The following ANG variants were observed in gnomAD, a reference collection of about 807,000 sequenced individuals.
The protein encoded by ANG is angiogenin.
For synonymous variants in ANG, 74 were observed against 73.8 expected (o/e 1.00, Z -0.02); for missense variants, 178 against 187.4 (o/e 0.95, Z 0.29).
intron 1 of ANG, among the ~76,000 whole-genome samples, chr14:20,692,957 C>A (rs1025694599): frequency 2.0e-5 from 3 of 152,062 alleles, no homozygotes; most frequent in Admixed American, 2.0e-4. Context: ...ACGCCATTCT[C>A]CTGCCTCAGC....
upstream of ANG, chr14:20,684,456 G>A (rs988687638): frequency 2.6e-5 from 4 of 152,300 alleles, no homozygotes; most frequent in African/African-American, 9.7e-5. Flanking sequence ...GGGTGCTGCT[G>A]CGGCGCCAGC....
rs542339286 is a variant in ANG at position 20,693,693 on chromosome 14, G to C, written c.129G>C (p.Gln43His). 5.6e-6 allele frequency: 9 copies of C among 1,614,210 alleles called. No individual in the cohort carries two copies. The African/African-American group carries it at 8.0e-5, about 14-fold the overall frequency. Residue 43 changes from glutamine to histidine, a missense_variant, in exon 2 of 2, where the codon CAG becomes CAC. Coordinates refer to ENST00000397990, the MANE Select transcript of ANG (RefSeq NM_001097577.3). ...FLTQHYDAKP[Q>H]GRDDRYCESI... ...CCCAGCACTATGATGCCAAACCACA[G>C]GGCCGGGATGACAGATACTGTGAAA...
upstream of ANG, among the ~76,000 whole-genome samples, chr14:20,687,743 T>C (rs940299050): frequency 2.0e-5 from 3 of 152,216 alleles, no homozygotes; most frequent in African/African-American, 7.2e-5. Context: ...AAATGAAAGA[T>C]TGCACTGAAT....
upstream of ANG, chr14:20,684,532 AG>A (rs1886328192): frequency 6.6e-6 from 1 of 152,302 alleles, no homozygotes; most frequent in Admixed American, 6.5e-5. Context: ...AACTACGCAG[AG>A]GCTGGCACGC....
At chr14:20,685,869 G>A (rs1179374762), upstream of ANG, among the ~76,000 whole-genome samples, 1 of 151,790 alleles carries the variant, frequency 6.6e-6, no homozygotes, top group African/African-American at 2.4e-5. Context: ...GTGAAACCTC[G>A]TCTCTACTAA....
intron 1 of ANG, among the ~76,000 whole-genome samples, chr14:20,692,999 C>G: frequency 6.6e-6 from 1 of 152,032 alleles, no homozygotes; most frequent in East Asian, 1.9e-4. Flanking sequence ...AGGCGCCCGC[C>G]ACTACGCCCG....
At chr14:20,692,647 T>C (rs532250342) in intron 1 of ANG, among the ~76,000 whole-genome samples, 1 of 152,310 alleles carries the variant, frequency 6.6e-6, no homozygotes, top group South Asian at 2.1e-4. Flanking sequence ...AATTTCATCC[T>C]GAAACCATCC....
upstream of ANG, among the ~76,000 whole-genome samples, chr14:20,688,077 A>G (rs1886507663): frequency 6.6e-6 from 1 of 152,216 alleles, no homozygotes; most frequent in Admixed American, 6.5e-5. Flanking sequence ...GAGATAAGCA[A>G]TTTTGCAACT....
At chr14:20,685,746 A>G (rs2138996896), upstream of ANG, among the ~76,000 whole-genome samples, 1 of 152,328 alleles carries the variant, frequency 6.6e-6, no homozygotes, top group East Asian at 1.9e-4. Flanking sequence ...AGTATGGAAT[A>G]TAAAAGTTGT....
At chr14:20,689,935 G>A (rs1218914703) in intron 1 of ANG, among the ~76,000 whole-genome samples, 2 of 148,356 alleles carry the variant, frequency 1.3e-5, no homozygotes, top group Non-Finnish European at 3.0e-5. Flanking sequence ...AAAAAAACAG[G>A]CCGGGCGCGG....
chr14:20,685,122 C>G (rs1328703901), upstream of ANG, among the ~76,000 whole-genome samples: 2 of 152,178 alleles, frequency 1.3e-5, no homozygotes, highest in African/African-American at 4.8e-5. Context: ...CTTTTTGAAG[C>G]AGGCCTTAGT....
At position 20,693,943 on chromosome 14, in the gene ANG, G is replaced by A. The variant is rs553513710; in HGVS notation, c.379G>A (p.Val127Ile). 32 of 1,614,112 alleles carry A rather than the reference G, an allele frequency of 2.0e-5. No homozygotes were observed. The East Asian group carries it at 4.0e-4, about 20-fold the overall frequency. ...CCGAGCCACAGCGGGGTTCAGAAAC[G>A]TTGTTGTTGCTTGTGAAAATGGCTT... ...QYRATAGFRN[V>I]VVACENGLPV... Residue 127 changes from valine to isoleucine, a missense_variant, in exon 2 of 2, where the codon GTT (valine) becomes ATT (isoleucine). Val to Ile is a conservative substitution (Grantham distance 29). Transcript: ENST00000397990.
intron 1 of ANG, among the ~76,000 whole-genome samples, chr14:20,689,911 G>C (rs1172350673): frequency 1.7e-5 from 2 of 115,968 alleles, no homozygotes; most frequent in Non-Finnish European, 1.7e-5. Context: ...ACAAGACTCT[G>C]TCTCAAAAAA....
At chr14:20,693,005 G>A (rs1394424887) in intron 1 of ANG, among the ~76,000 whole-genome samples, 9 of 151,510 alleles carry the variant, frequency 5.9e-5, no homozygotes, top group East Asian at 3.9e-4. Context: ...CCGCCACTAC[G>A]CCCGGCTAAT....
chr14:20,684,576 C>G (rs1015351386), upstream of ANG: 2 of 152,360 alleles, frequency 1.3e-5, no homozygotes, highest in African/African-American at 4.8e-5. Flanking sequence ...CCCCCATCTC[C>G]GTCCGTGTAC....
chr14:20,693,830 A>G lies in ANG; in HGVS notation c.266A>G (p.His89Arg), dbSNP rs774292967. The change falls in exon 2 of 2, where the codon CAC (histidine) becomes CGC (arginine). Residue 89 changes from histidine (H) to arginine (R), a missense_variant. Coordinates refer to ENST00000397990, the MANE Select transcript of ANG (RefSeq NM_001097577.3). ...TGTGAAAACAAGAATGGAAACCCTC[A>G]CAGAGAAAACCTAAGAATAAGCAAG... ...AICENKNGNP[H>R]RENLRISKSS... 6.2e-6 allele frequency: 10 copies of G among 1,614,198 alleles called. 1 individual carries two copies. In the South Asian group the frequency reaches 9.9e-5, roughly 16 times the overall value.
intron 1 of ANG, among the ~76,000 whole-genome samples, chr14:20,691,986 A>G (rs117669481): frequency 0.024 from 3,606 of 152,350 alleles, 62 homozygotes; most frequent in South Asian, 0.046. Context: ...TTCTGTGAAC[A>G]GCAATATCCC....
At chr14:20,689,390 T>G (rs1309574919) in intron 1 of ANG, among the ~76,000 whole-genome samples, 1 of 152,204 alleles carries the variant, frequency 6.6e-6, no homozygotes, top group East Asian at 1.9e-4. Flanking sequence ...TGAATATGCC[T>G]TGGGTGTTAG....
intron 1 of ANG, among the ~76,000 whole-genome samples, chr14:20,692,541 C>T (rs556980896): frequency 9.2e-5 from 14 of 152,372 alleles, no homozygotes; most frequent in African/African-American, 2.6e-4. Flanking sequence ...CTCATAGGAG[C>T]TGGACGCCTA....
Sources: allele counts gnomAD v4.1 joint callset (sites outside exome capture counted in the v4.1 genomes callset), GRCh38; gene constraint gnomAD v4.1.1; transcripts MANE v1.5; gene names NCBI Gene and HGNC (gene_info 2026-07-23, HGNC 2026-07-21).